The following MALRD1 variants were observed in gnomAD, a reference collection of about 807,000 sequenced individuals.
MALRD1 encodes MAM and LDL receptor class A domain containing 1.
In MALRD1, 247 loss-of-function variants were observed where a neutral mutation model predicts 242.1. The ratio of observed to expected loss-of-function variants is 1.02; its 90% CI spans 0.92 to 1.13. The LOEUF is 1.13. MALRD1 is among the 50% of genes most tolerant of loss of function. MALRD1 has a pLI of 0.00. For synonymous variants in MALRD1, 995 were observed against 866.6 expected (o/e 1.15, Z -2.60); for missense variants, 2,989 against 2,533.1 (o/e 1.18, Z -3.86).
At position 19,339,067 on chromosome 10, in the gene MALRD1, T is replaced by TAC. The variant is rs1318180365; in HGVS notation, c.3901+7497_3901+7498dup. On this transcript the variant is annotated intron_variant, in intron 24 of 39. Coordinates refer to ENST00000454679, the MANE Select transcript of MALRD1 (RefSeq NM_001142308.3). ...ACACACACACACACATAAATACACA[T>TAC]ACACACACACACATCCCTAGGAGGA... Among the ~76,000 whole-genome samples the TAC allele has an allele frequency of 3.3e-5, 5 of 150,622 alleles. No individual in the cohort carries two copies. The East Asian group carries it at 5.9e-4, about 18-fold the overall frequency.
chr10:19,507,951 G>T (rs1190715854), intron 31 of MALRD1, among the ~76,000 whole-genome samples: 1 of 152,116 alleles, frequency 6.6e-6, no homozygotes. Flanking sequence ...TAGGTGCTTG[G>T]AATATCTGTT....
intron 38 of MALRD1, among the ~76,000 whole-genome samples, chr10:19,694,340 T>A (rs1833261812): frequency 6.6e-6 from 1 of 152,152 alleles, no homozygotes; most frequent in African/African-American, 2.4e-5. Context: ...GACAAAGGGC[T>A]AATATCCAGA....
chr10:19,544,796 C>T (rs1835138340), intron 32 of MALRD1, among the ~76,000 whole-genome samples: 1 of 151,996 alleles, frequency 6.6e-6, no homozygotes, highest in Non-Finnish European at 1.5e-5. Context: ...TGACCATGAC[C>T]TCTCTTCAGT....
intron 29 of MALRD1, among the ~76,000 whole-genome samples, chr10:19,484,040 C>T (rs1257097736): frequency 6.6e-6 from 1 of 152,178 alleles, no homozygotes; most frequent in East Asian, 1.9e-4. Context: ...CCAAATACCA[C>T]ATCTTCTCAC....
At chr10:19,696,725 G>A (rs888940814) in intron 38 of MALRD1, among the ~76,000 whole-genome samples, 2 of 151,528 alleles carry the variant, frequency 1.3e-5, no homozygotes, top group Non-Finnish European at 2.9e-5. Flanking sequence ...TGGCCAACAT[G>A]AGGAAACCCC....
intron 14 of MALRD1, among the ~76,000 whole-genome samples, chr10:19,194,504 T>C (rs1478241839): frequency 6.6e-6 from 1 of 152,164 alleles, no homozygotes; most frequent in African/African-American, 2.4e-5. Flanking sequence ...ATTTCCATAA[T>C]GACACTGTCA....
intron 36 of MALRD1, among the ~76,000 whole-genome samples, chr10:19,648,962 C>A (rs1281643708): frequency 6.6e-6 from 1 of 152,124 alleles, no homozygotes; most frequent in Non-Finnish European, 1.5e-5. Context: ...TATCATTGAG[C>A]CCCCACTTAT....
intron 28 of MALRD1, among the ~76,000 whole-genome samples, chr10:19,391,469 C>G (rs910503550): frequency 6.6e-6 from 1 of 152,212 alleles, no homozygotes; most frequent in African/African-American, 2.4e-5. Flanking sequence ...AGCATCCTAG[C>G]TAGATGGTAA....
chr10:19,184,965 C>T (rs530453540), intron 14 of MALRD1, among the ~76,000 whole-genome samples: 1 of 152,254 alleles, frequency 6.6e-6, no homozygotes, highest in Non-Finnish European at 1.5e-5. Context: ...GTTTGAAGTC[C>T]ATTTTGAAAT....
chr10:19,162,822 C>T (rs1284256491), intron 12 of MALRD1, among the ~76,000 whole-genome samples: 1 of 151,740 alleles, frequency 6.6e-6, no homozygotes, highest in Non-Finnish European at 1.5e-5. Flanking sequence ...GTACATATAC[C>T]CACAGTACTA....
chr10:19,315,852 T>A (rs1020880010), intron 21 of MALRD1, among the ~76,000 whole-genome samples: 1 of 146,820 alleles, frequency 6.8e-6, no homozygotes, highest in East Asian at 2.0e-4. Context: ...TATTTTATTA[T>A]TTATAATGTT....
At chr10:19,313,446 A>G (rs1475969617) in intron 21 of MALRD1, among the ~76,000 whole-genome samples, 1 of 151,422 alleles carries the variant, frequency 6.6e-6, no homozygotes, top group Admixed American at 6.6e-5. Flanking sequence ...TAATTTACAA[A>G]GATGATATTT....
At chr10:19,580,208 C>T (rs772609687) in intron 33 of MALRD1, among the ~76,000 whole-genome samples, 3 of 152,030 alleles carry the variant, frequency 2.0e-5, no homozygotes, top group Non-Finnish European at 4.4e-5. Flanking sequence ...GGGGGTTATA[C>T]GAAGGCAGCA....
intron 36 of MALRD1, among the ~76,000 whole-genome samples, chr10:19,678,059 T>C (rs2131782995): frequency 6.6e-6 from 1 of 152,162 alleles, no homozygotes; most frequent in Non-Finnish European, 1.5e-5. Context: ...CCATGCTGTT[T>C]TGGTTACTGT....
At chr10:19,480,521 A>G (rs1836946817) in intron 29 of MALRD1, among the ~76,000 whole-genome samples, 1 of 152,206 alleles carries the variant, frequency 6.6e-6, no homozygotes, top group Non-Finnish European at 1.5e-5. Flanking sequence ...GACGTTTCAA[A>G]GTGGAAGGCA....
At chr10:19,732,169 C>T (rs1347854158) in intron 39 of MALRD1, among the ~76,000 whole-genome samples, 1 of 152,092 alleles carries the variant, frequency 6.6e-6, no homozygotes, top group African/African-American at 2.4e-5. Flanking sequence ...AAAACACATA[C>T]ACATTTAAGA....
intron 36 of MALRD1, among the ~76,000 whole-genome samples, chr10:19,658,034 G>C (rs544570708): frequency 6.6e-6 from 1 of 152,116 alleles, no homozygotes; most frequent in East Asian, 2.0e-4. Flanking sequence ...TGTAATCCCA[G>C]CTACTCAGGA....
chr10:19,275,234 A>AT (rs1310537700), intron 19 of MALRD1, among the ~76,000 whole-genome samples: 10 of 152,262 alleles, frequency 6.6e-5, no homozygotes, highest in Admixed American at 2.6e-4. Context: ...AATTAAAGTC[A>AT]TTTTTTTAAA....
At chr10:19,310,249 C>T (rs553960608) in intron 21 of MALRD1, among the ~76,000 whole-genome samples, 63 of 151,558 alleles carry the variant, frequency 4.2e-4, no homozygotes, top group Non-Finnish European at 6.8e-4. Context: ...TTATTGGTAA[C>T]AGAGACTGAT....
Sources: allele counts gnomAD v4.1 joint callset (sites outside exome capture counted in the v4.1 genomes callset), GRCh38; gene constraint gnomAD v4.1.1; transcripts MANE v1.5; gene names NCBI Gene and HGNC (gene_info 2026-07-23, HGNC 2026-07-21).